Variants in CYRIB observed in about 807,000 individuals in gnomAD.
The protein encoded by CYRIB is CYFIP related Rac1 interactor B, also known as CYFIP-related Rac1 interactor B.
CYRIB carries 8 observed loss-of-function variants against 44.2 expected under a neutral mutation model. The ratio of observed to expected loss-of-function variants is 0.18; its 90% confidence interval spans 0.11 to 0.33. The LOEUF (loss-of-function observed/expected upper bound fraction) is 0.33. Ranked by LOEUF, CYRIB falls within the 10% of genes least tolerant of loss-of-function variation. CYRIB has a pLI of 1.00. For synonymous variants in CYRIB, 131 were observed against 127.2 expected, an observed-to-expected ratio of 1.03 and a Z score of -0.20; for missense variants, 185 against 382.8, an observed-to-expected ratio of 0.48 and a Z score of 4.31.
chr8:129,864,085 C>G (rs1217447979), intron 4 of CYRIB, among the ~76,000 whole-genome samples: 1 of 152,216 alleles, frequency 6.6e-6, no homozygotes, highest in African/African-American at 2.4e-5. Context: ...TAGCTGCAAA[C>G]TGAATTAATG....
At chr8:129,928,288 C>A (rs1262932321) in intron 1 of CYRIB, among the ~76,000 whole-genome samples, 15 of 142,366 alleles carry the variant, frequency 1.1e-4, no homozygotes, top group Non-Finnish European at 2.1e-4. Flanking sequence ...GCCTGGGCAA[C>A]ACAGCAAGAC....
At chr8:129,958,077 A>G (rs977967722) in intron 2 of CYRIB, among the ~76,000 whole-genome samples, 1 of 152,178 alleles carries the variant, frequency 6.6e-6, no homozygotes, top group African/African-American at 2.4e-5. Context: ...GAATCGCTTG[A>G]ACCCGAGAGA....
At chr8:129,932,705 TG>T (rs1454971969) in intron 1 of CYRIB, among the ~76,000 whole-genome samples, 3 of 152,178 alleles carry the variant, frequency 2.0e-5, no homozygotes, top group Non-Finnish European at 4.4e-5. Flanking sequence ...CAGACCATCA[TG>T]GTTCTTGACA....
chr8:129,890,555 G>T (rs1189948670), intron 2 of CYRIB: 1 of 152,106 alleles, frequency 6.6e-6, no homozygotes, highest in Non-Finnish European at 1.5e-5. Context: ...ATCAAATATT[G>T]CCCGAAGTCT....
chr8:129,865,720 T>C (rs534225370), intron 4 of CYRIB, among the ~76,000 whole-genome samples: 1 of 152,346 alleles, frequency 6.6e-6, no homozygotes, highest in South Asian at 2.1e-4. Context: ...TAGAAATCAA[T>C]GGATAGTAGT....
At chr8:129,881,430 GC>G (rs2060763216) in intron 2 of CYRIB, among the ~76,000 whole-genome samples, 1 of 152,100 alleles carries the variant, frequency 6.6e-6, no homozygotes, top group African/African-American at 2.4e-5. Context: ...AAGACAACTT[GC>G]CACTCACTCT....
At position 129,846,735 on chromosome 8, in the gene CYRIB, C is replaced by A. The variant is rs139526305; in HGVS notation, c.911+69G>T. The stretch of plus-strand genomic sequence containing the variant: ...ATCCTATTCACACTTAATGCATTTT[C>A]TTTACATAAACATCGACCATTTTCC... On this transcript the variant is annotated intron_variant, in intron 11 of 11. Transcript: ENST00000519824. The A allele has an allele frequency of 4.0e-4, 411 of 1,030,684 alleles. 5 individuals are homozygous for A. The African/African-American group carries it at 6.1e-3, about 15-fold the overall frequency. 63.8% of individuals were successfully genotyped at this position (1,030,684 alleles called of 1,614,324 possible). A position where few individuals can be genotyped will look rare whatever the true frequency, so the allele number is the denominator to read the frequency against.
intron 2 of CYRIB, among the ~76,000 whole-genome samples, chr8:129,953,286 G>A (rs1467067920): frequency 6.6e-6 from 1 of 152,210 alleles, no homozygotes; most frequent in Non-Finnish European, 1.5e-5. Flanking sequence ...GAGATGTCCA[G>A]GGAAGGACTT....
chr8:129,931,309 T>C (rs2091244711), intron 1 of CYRIB, among the ~76,000 whole-genome samples: 1 of 152,210 alleles, frequency 6.6e-6, no homozygotes, highest in African/African-American at 2.4e-5. Flanking sequence ...TTGCCAGAAT[T>C]TAAAGTAGAG....
At chr8:129,887,470 G>A (rs1166261359) in intron 2 of CYRIB, among the ~76,000 whole-genome samples, 1 of 152,226 alleles carries the variant, frequency 6.6e-6, no homozygotes, top group Non-Finnish European at 1.5e-5. Context: ...GTGCACTGGG[G>A]AAATGTAGGG....
chr8:129,978,890 C>G (rs2096077490), intron 1 of CYRIB, among the ~76,000 whole-genome samples: 1 of 152,158 alleles, frequency 6.6e-6, no homozygotes, highest in African/African-American at 2.4e-5. Flanking sequence ...AATCCCAGCA[C>G]TTTGGGAGGC....
At chr8:129,842,391 TA>T (rs2036851007) in intron 11 of CYRIB, among the ~76,000 whole-genome samples, 186 bp from the exon 14 acceptor site, 1 of 152,210 alleles carries the variant, frequency 6.6e-6, no homozygotes, top group African/African-American at 2.4e-5. Flanking sequence ...TCTAACTGAA[TA>T]GCCAGTAGCT....
At chr8:129,901,275 T>G (rs898353126) in intron 2 of CYRIB, among the ~76,000 whole-genome samples, 3 of 152,010 alleles carry the variant, frequency 2.0e-5, no homozygotes, top group South Asian at 2.1e-4. Flanking sequence ...CAGGCTGGAG[T>G]GCAGTGGTGA....
intron 11 of CYRIB, among the ~76,000 whole-genome samples, chr8:129,846,559 A>G (rs2040149440): frequency 6.6e-6 from 1 of 152,228 alleles, no homozygotes; most frequent in South Asian, 2.1e-4. Context: ...CAACAAGTAA[A>G]AGCCAAAATC....
intron 1 of CYRIB, among the ~76,000 whole-genome samples, chr8:130,004,340 A>G (rs913043078): frequency 1.3e-5 from 2 of 152,114 alleles, no homozygotes; most frequent in African/African-American, 4.8e-5. Flanking sequence ...CCTGGGCTCA[A>G]TCAATCCTCC....
intron 1 of CYRIB, among the ~76,000 whole-genome samples, chr8:129,998,194 C>T (rs371911279): frequency 2.0e-5 from 3 of 151,848 alleles, no homozygotes; most frequent in Non-Finnish European, 1.5e-5. Context: ...GTCAGCTCAT[C>T]GCAGGACCTC....
intron 1 of CYRIB, among the ~76,000 whole-genome samples, chr8:130,012,323 G>C (rs953123214): frequency 6.6e-6 from 1 of 152,196 alleles, no homozygotes; most frequent in African/African-American, 2.4e-5. Flanking sequence ...TCCACAATTG[G>C]TTTAAAATAG....
rs182628923 is a variant in CYRIB at position 129,977,882 on chromosome 8, G to A, written c.-295-6887C>T. On this transcript the variant is annotated intron_variant, in intron 1 of 14. Transcript: ENST00000401979. ...TAAGCACCTTGAGGGTGGACATCTT[G>A]TATTAGCAGTAGTAGAAGTATTAAT... Among the ~76,000 whole-genome samples, 8 of 152,170 alleles carry A rather than the reference G, an allele frequency of 5.3e-5. No homozygotes were observed. The East Asian group carries it at 5.8e-4, about 11-fold the overall frequency.
At chr8:129,933,065 T>A (rs2091977957) in intron 1 of CYRIB, among the ~76,000 whole-genome samples, 1 of 152,208 alleles carries the variant, frequency 6.6e-6, no homozygotes, top group Non-Finnish European at 1.5e-5. Context: ...GCTGTGGCTG[T>A]GACTGCTGAG....
Sources: allele counts gnomAD v4.1 joint callset (sites outside exome capture counted in the v4.1 genomes callset), GRCh38; gene constraint gnomAD v4.1.1; transcripts MANE v1.5; gene names NCBI Gene and HGNC (gene_info 2026-07-23, HGNC 2026-07-21).